USH2A: variants seen among roughly 807,000 people sequenced by gnomAD.
USH2A encodes the protein usherin.
Under a neutral mutation model 538.9 loss-of-function variants are expected in USH2A, and 443 were observed. The ratio of observed to expected loss-of-function variants is 0.82; its 90% CI spans 0.76 to 0.89. USH2A has a LOEUF of 0.89. USH2A is among the 40% of genes least tolerant of loss of function. The pLI is 0.00. For synonymous variants in USH2A, 2,413 were observed against 2,273.5 expected (o/e 1.06, Z -1.75); for missense variants, 6,633 against 6,324.8 (o/e 1.05, Z -1.65).
At chr1:216,002,860 G>C (rs1050584932) in intron 32 of USH2A, among the ~76,000 whole-genome samples, 1 of 152,124 alleles carries the variant, frequency 6.6e-6, no homozygotes, top group African/African-American at 2.4e-5. Context: ...GGTATCTCAA[G>C]GTAGGACTTA....
intron 5 of USH2A, 75 bp from the exon 6 acceptor site, chr1:216,325,674 G>A: frequency 1.4e-6 from 2 of 1,421,782 alleles, no homozygotes; most frequent in Non-Finnish European, 1.9e-6. Flanking sequence ...CGTTACAAAT[G>A]AATGTCACTC....
At chr1:215,912,619 T>A (rs1321822750) in intron 38 of USH2A, among the ~76,000 whole-genome samples, 1 of 151,446 alleles carries the variant, frequency 6.6e-6, no homozygotes, top group African/African-American at 2.4e-5. Flanking sequence ...CCCGCAAGCA[T>A]TTATCCTTTG....
At position 215,844,296 on chromosome 1, in the gene USH2A, G is replaced by A; in HGVS notation, c.9256C>T (p.Gln3086Ter). 1 of 1,613,398 alleles carries A rather than the reference G, an allele frequency of 6.2e-7. No homozygotes were observed. Among genetic ancestry groups the A allele is most frequent in the Non-Finnish European group, 8.5e-7 (1 of 1,179,664 alleles). ...CCATCAAAAAACAATGTTCTAACCT[G>A]AATGTCATAGATAGTGAAGGGAGAC... ...DLSPFTIYDIQVEVCTIYACV... is the reference protein window; with the variant it reads ...DLSPFTIYDI Residue 3086 changes from glutamine to a stop codon, truncating the protein, a stop_gained and splice_region_variant, in exon 46 of 72, where the codon CAG (glutamine) becomes TAG (stop). Transcript: ENST00000307340. LOFTEE classifies it high-confidence loss of function.
intron 44 of USH2A, among the ~76,000 whole-genome samples, chr1:215,853,811 C>T (rs1304805184): frequency 6.6e-6 from 1 of 152,156 alleles, no homozygotes; most frequent in African/African-American, 2.4e-5. Context: ...CAACAAATTC[C>T]TCATCTCCAT....
At chr1:215,972,352 T>TG (rs904143892) in intron 35 of USH2A, among the ~76,000 whole-genome samples, 1 of 152,168 alleles carries the variant, frequency 6.6e-6, no homozygotes, top group African/African-American at 2.4e-5. Flanking sequence ...GGTAGTGGAA[T>TG]GTTGTTGGCA....
At chr1:216,072,843 A>G (rs1424432602) in intron 29 of USH2A, 46 bp downstream of exon 29, 29 of 1,514,958 alleles carry the variant, frequency 1.9e-5, no homozygotes, top group Non-Finnish European at 2.5e-5. Context: ...GCACAAATAC[A>G]TGCATGTGTG....
intron 30 of USH2A, among the ~76,000 whole-genome samples, chr1:216,057,180 A>G (rs1024052002): frequency 3.9e-5 from 6 of 152,182 alleles, no homozygotes; most frequent in Non-Finnish European, 7.3e-5. Context: ...TTCACAATGT[A>G]CCAGTAGTTC....
At chr1:215,889,889 C>T (rs191483625) in intron 40 of USH2A, among the ~76,000 whole-genome samples, 68 of 152,314 alleles carry the variant, frequency 4.5e-4, no homozygotes, top group Middle Eastern at 3.4e-3. Flanking sequence ...TGAATGCAAA[C>T]CCCTCAGCCT....
At chr1:216,357,949 C>T (rs918182267) in intron 4 of USH2A, among the ~76,000 whole-genome samples, 1 of 152,100 alleles carries the variant, frequency 6.6e-6, no homozygotes, top group Non-Finnish European at 1.5e-5. Context: ...AGCCATCACA[C>T]TTTGGTTGAT....
At chr1:216,070,668 T>C (rs1266244144) in intron 29 of USH2A, among the ~76,000 whole-genome samples, 2 of 152,140 alleles carry the variant, frequency 1.3e-5, no homozygotes, top group Admixed American at 6.6e-5. Context: ...TAGACTGTTA[T>C]TATACATAGT....
At position 216,324,303 on chromosome 1, in the gene USH2A, C is replaced by G. The variant is rs1329126988; in HGVS notation, c.1193G>C (p.Arg398Thr). The G allele has an allele frequency of 1.9e-6, 3 of 1,612,910 alleles. No individual in the cohort carries two copies. In the South Asian group the frequency reaches 3.3e-5, roughly 18 times the overall value. The change falls in exon 7 of 72, where the codon AGG (arginine) becomes ACG (threonine). Residue 398 changes from arginine to threonine, a missense_variant. By Grantham distance (71) the Arg-to-Thr change is moderately conservative. Coordinates refer to ENST00000307340, the MANE Select transcript of USH2A (RefSeq NM_206933.4). ...QFFSPQPTEIRIQRKKENSLD... is the reference protein window; with the variant it reads ...QFFSPQPTEITIQRKKENSLD... ...ACTATTTTCCTTCTTCCTTTGAATC[C>G]TTATTTCCGTTGGTTGTGGACTAAA... is the stretch of plus-strand genomic sequence containing the variant.
chr1:215,787,294 G>A (rs1339995103), intron 51 of USH2A, among the ~76,000 whole-genome samples: 3 of 152,040 alleles, frequency 2.0e-5, no homozygotes, highest in Non-Finnish European at 4.4e-5. Context: ...TTTTATTTTT[G>A]CTATTTGATA....
At chr1:215,864,771 C>G (rs148737867) in intron 44 of USH2A, among the ~76,000 whole-genome samples, 1 of 152,084 alleles carries the variant, frequency 6.6e-6, no homozygotes, top group South Asian at 2.1e-4. Flanking sequence ...AACACAGGGA[C>G]GCTTTTATCT....
At chr1:216,213,247 A>G (rs1258398892) in intron 15 of USH2A, among the ~76,000 whole-genome samples, 3 of 152,110 alleles carry the variant, frequency 2.0e-5, no homozygotes, top group African/African-American at 7.2e-5. Flanking sequence ...TTTCTTGTGA[A>G]TTTGTTTGGA....
At chr1:216,231,627 C>A (rs2035696031) in intron 14 of USH2A, among the ~76,000 whole-genome samples, 1 of 151,808 alleles carries the variant, frequency 6.6e-6, no homozygotes, top group South Asian at 2.1e-4. Context: ...CGGCTCACTG[C>A]AACCTACCCC....
At chr1:215,851,957 A>G (rs990707102) in intron 44 of USH2A, among the ~76,000 whole-genome samples, 6 of 152,204 alleles carry the variant, frequency 3.9e-5, no homozygotes, top group Admixed American at 2.0e-4. Flanking sequence ...ATCTCAATCA[A>G]TGCAGAGAAA....
Position 215,625,731 on chromosome 1 carries a change from A to C in USH2A, c.*50T>G. On this transcript the variant is annotated 3_prime_UTR_variant, in exon 72 of 72. Transcript: ENST00000307340. The stretch of plus-strand genomic sequence containing the variant: ...TGTGTGAGTGATAACCCAGGAGGAA[A>C]TGGGTGCAGACCTTGCATTCCAGGG... 1 of 1,546,358 alleles carries C rather than the reference A, an allele frequency of 6.5e-7. No homozygotes were observed. Among genetic ancestry groups the C allele is most frequent in the Non-Finnish European group, 8.9e-7 (1 of 1,118,386 alleles).
At chr1:215,770,895 A>T (rs972033852) in intron 55 of USH2A, among the ~76,000 whole-genome samples, 57 of 146,570 alleles carry the variant, frequency 3.9e-4, no homozygotes, top group African/African-American at 1.4e-3. Context: ...ACTTGAGGTC[A>T]GGAGTTTGAG....
At chr1:216,173,307 G>C (rs1441337696) in intron 21 of USH2A, among the ~76,000 whole-genome samples, 1 of 152,014 alleles carries the variant, frequency 6.6e-6, no homozygotes, top group Non-Finnish European at 1.5e-5. Context: ...GTATATACAT[G>C]GTTATATTAA....
Sources: allele counts gnomAD v4.1 joint callset (sites outside exome capture counted in the v4.1 genomes callset), GRCh38; gene constraint gnomAD v4.1.1; transcripts MANE v1.5; gene names NCBI Gene and HGNC (gene_info 2026-07-23, HGNC 2026-07-21).